The following TENM3 variants were observed in gnomAD, a reference collection of about 807,000 sequenced individuals.
The protein encoded by TENM3 is teneurin-3.
In TENM3, 63 loss-of-function variants were observed where a neutral mutation model predicts 255.1. The ratio of observed to expected loss-of-function variants is 0.25; its 90% CI spans 0.20 to 0.30. The LOEUF (loss-of-function observed/expected upper bound fraction) is 0.30. Among genes scored for constraint, TENM3 ranks in the 10% least tolerant of loss-of-function variants. TENM3 has a pLI of 1.00. For missense variants in TENM3, 2,929 were observed against 3,461.1 expected (o/e 0.85, Z 3.86); for synonymous variants, 1,306 against 1,322.3 (o/e 0.99, Z 0.27).
rs1040755878 is a variant in TENM3 at position 182,471,624 on chromosome 4, CCT to C, written c.511+124698_511+124699del. 1.0e-4 allele frequency among the ~76,000 whole-genome samples: 13 copies of C among 125,564 alleles called. No homozygotes were observed. In the South Asian group the frequency reaches 3.6e-3, roughly 35 times the overall value. 82.4% of individuals were successfully genotyped at this position (125,564 alleles called of 152,430 possible). On this transcript the variant is annotated intron_variant, in intron 3 of 27. Transcript: ENST00000511685. ...TCATTGAAATGTTATGTGGCACATG[CCT>C]CTGTGTGTGTGTGTGTGTGTGTGTG...
At chr4:182,006,013 C>G in the TENM3 span, among the ~76,000 whole-genome samples, 1 of 152,168 alleles carries the variant, frequency 6.6e-6, no homozygotes, top group Non-Finnish European at 1.5e-5. Context: ...AGCCTGCCAG[C>G]AGAGACAACT....
chr4:182,531,948 C>T (rs1739819974), intron 3 of TENM3, among the ~76,000 whole-genome samples: 1 of 152,118 alleles, frequency 6.6e-6, no homozygotes, highest in Non-Finnish European at 1.5e-5. Context: ...AGACACCAGC[C>T]ACGGCTAGCC....
At chr4:182,639,488 A>G (rs1194980050) in intron 5 of TENM3, among the ~76,000 whole-genome samples, 2 of 152,148 alleles carry the variant, frequency 1.3e-5, no homozygotes, top group East Asian at 1.9e-4. Context: ...CACTTTTTTA[A>G]AAGAAAAATC....
chr4:181,509,938 T>A, the TENM3 span, among the ~76,000 whole-genome samples: 2 of 152,182 alleles, frequency 1.3e-5, no homozygotes, highest in African/African-American at 4.8e-5. Flanking sequence ...AAAATAAAAC[T>A]AAAACTGAAT....
At chr4:181,705,051 CA>C in the TENM3 span, among the ~76,000 whole-genome samples, 70,928 of 147,334 alleles carry the variant, frequency 0.48, 17,528 homozygotes, top group East Asian at 0.62. Flanking sequence ...CAAAACAAAA[CA>C]AAAAAAAAAA....
intron 3 of TENM3, among the ~76,000 whole-genome samples, chr4:182,360,274 C>A (rs1317596983): frequency 7.8e-6 from 1 of 127,560 alleles, no homozygotes; most frequent in Non-Finnish European, 1.6e-5. Flanking sequence ...CCTGGGTATC[C>A]TTGTTGACTT....
At chr4:181,616,918 C>T in the TENM3 span, among the ~76,000 whole-genome samples, 1 of 152,162 alleles carries the variant, frequency 6.6e-6, no homozygotes, top group African/African-American at 2.4e-5. Context: ...GAAACTCCCT[C>T]ATGGACATAC....
At chr4:181,853,623 T>A in the TENM3 span, among the ~76,000 whole-genome samples, 1 of 152,260 alleles carries the variant, frequency 6.6e-6, no homozygotes, top group African/African-American at 2.4e-5. Flanking sequence ...GTGGGAATAT[T>A]GTTCAGCAAT....
the TENM3 span, among the ~76,000 whole-genome samples, chr4:181,491,278 A>C: frequency 6.6e-6 from 1 of 152,048 alleles, no homozygotes; most frequent in East Asian, 1.9e-4. Context: ...TTTTTTGTAA[A>C]TATAAGTAAA....
At chr4:181,599,304 G>A in the TENM3 span, among the ~76,000 whole-genome samples, 21,830 of 152,090 alleles carry the variant, frequency 0.14, 1,838 homozygotes, top group Middle Eastern at 0.19. Flanking sequence ...AAAGAGAGAC[G>A]ATTTCAGTGA....
the TENM3 span, among the ~76,000 whole-genome samples, chr4:181,719,413 C>A: frequency 6.6e-6 from 1 of 152,070 alleles, no homozygotes; most frequent in Non-Finnish European, 1.5e-5. Context: ...TTATAAACAA[C>A]GGACATTTAT....
the TENM3 span, among the ~76,000 whole-genome samples, chr4:181,987,391 C>A: frequency 2.0e-5 from 3 of 152,116 alleles, no homozygotes; most frequent in Non-Finnish European, 2.9e-5. Flanking sequence ...CTTCATCCTG[C>A]ACTACACCTG....
At chr4:181,826,184 A>C in the TENM3 span, among the ~76,000 whole-genome samples, 1 of 152,244 alleles carries the variant, frequency 6.6e-6, no homozygotes, top group Non-Finnish European at 1.5e-5. Context: ...AATTTCCATA[A>C]GAATGATGTG....
At chr4:181,706,417 C>T in the TENM3 span, among the ~76,000 whole-genome samples, 1 of 152,058 alleles carries the variant, frequency 6.6e-6, no homozygotes, top group Admixed American at 6.6e-5. Flanking sequence ...ATCGTAAAGT[C>T]GTCCATAGAC....
chr4:182,402,941 A>G (rs1769304943), intron 3 of TENM3, among the ~76,000 whole-genome samples: 1 of 152,246 alleles, frequency 6.6e-6, no homozygotes, highest in African/African-American at 2.4e-5. Context: ...AAAAGGAAAT[A>G]TATAACCATG....
chr4:182,800,437 A>G lies in TENM3; in HGVS notation c.*86A>G, dbSNP rs1187646298. The G allele has an allele frequency of 2.1e-6, 3 of 1,427,314 alleles. No individual in the cohort carries two copies. Among genetic ancestry groups the G allele is most frequent in the African/African-American group, 2.9e-5 (2 of 68,632 alleles). The allele number at this position is 1,427,314 out of a possible 1,614,324, so 88.4% of individuals were successfully genotyped here. On this transcript the variant is annotated 3_prime_UTR_variant, in exon 28 of 28. Coordinates refer to ENST00000511685, the MANE Select transcript of TENM3 (RefSeq NM_001080477.4). ...CGAGTGGGACTCTCCAACGCCCAAG[A>G]GCCTTCCTCCCGGGGGAATGAGACT... is the stretch of plus-strand genomic sequence containing the variant.
At chr4:182,195,969 C>T (rs1447049450) in intron 1 of TENM3, among the ~76,000 whole-genome samples, 1 of 152,120 alleles carries the variant, frequency 6.6e-6, no homozygotes, top group Non-Finnish European at 1.5e-5. Flanking sequence ...AATCAATAAC[C>T]CTTCTGGCAA....
chr4:181,488,569 A>G, the TENM3 span, among the ~76,000 whole-genome samples: 1 of 152,126 alleles, frequency 6.6e-6, no homozygotes. Flanking sequence ...AATTTCCAGA[A>G]CTTTTGGTAA....
chr4:181,868,272 C>T, the TENM3 span, among the ~76,000 whole-genome samples: 1 of 152,044 alleles, frequency 6.6e-6, no homozygotes, highest in African/African-American at 2.4e-5. Context: ...ACCTCCCTTC[C>T]CTCACCCCAG....
Sources: gnomAD v4.1 joint callset for allele counts (sites outside exome capture counted in the v4.1 genomes callset) on GRCh38, gnomAD v4.1.1 for gene constraint, MANE v1.5 for transcripts, NCBI Gene and HGNC (gene_info 2026-07-23, HGNC 2026-07-21) for gene names.